Variants in ZNF322 observed in about 807,000 individuals in gnomAD.
ZNF322 encodes HLA complex group 12.
In ZNF322, 1 loss-of-function variant was observed where a neutral mutation model predicts 18.3. The observed-to-expected ratio is 0.05, with a 90% confidence interval of 0.02 to 0.26. The LOEUF (loss-of-function observed/expected upper bound fraction) is 0.26. Ranked by LOEUF, ZNF322 falls within the 10% of genes least tolerant of loss-of-function variation. The pLI is 1.00. For synonymous variants in ZNF322, 17 were observed against 130.7 expected (o/e 0.13, Z 5.93); for missense variants, 36 against 403.6 (o/e 0.09, Z 7.80).
intron 3 of ZNF322, among the ~76,000 whole-genome samples, chr6:26,639,651 G>A (rs565282726): frequency 6.1e-4 from 93 of 152,102 alleles, no homozygotes; most frequent in African/African-American, 2.2e-3. Context: ...CTAAAGAACA[G>A]AAATAAAAGG....
chr6:26,641,383 T>C (rs1423796584), intron 3 of ZNF322, among the ~76,000 whole-genome samples: 4 of 151,896 alleles, frequency 2.6e-5, no homozygotes, highest in African/African-American at 9.7e-5. Flanking sequence ...GGGAGAAAAA[T>C]GCACTGCAAG....
chr6:26,640,044 T>C (rs537079760), intron 3 of ZNF322, among the ~76,000 whole-genome samples: 44 of 152,262 alleles, frequency 2.9e-4, no homozygotes, highest in Non-Finnish European at 5.6e-4. Flanking sequence ...GCATTATCAA[T>C]TTATTCCTTC....
intron 2 of ZNF322, among the ~76,000 whole-genome samples, chr6:26,657,247 T>C (rs1765795781): frequency 6.7e-6 from 1 of 148,986 alleles, no homozygotes; most frequent in Non-Finnish European, 1.5e-5. Flanking sequence ...GAAGACTCCA[T>C]CTCAAAAAAA....
At chr6:26,657,673 C>A (rs1295535372) in intron 2 of ZNF322, among the ~76,000 whole-genome samples, 2 of 152,098 alleles carry the variant, frequency 1.3e-5, no homozygotes, top group African/African-American at 4.8e-5. Context: ...AATATCCCTA[C>A]TACCTAGAGT....
At chr6:26,649,467 C>G (rs540620098) in intron 2 of ZNF322, among the ~76,000 whole-genome samples, 1 of 151,458 alleles carries the variant, frequency 6.6e-6, no homozygotes, top group Non-Finnish European at 1.5e-5. Flanking sequence ...ATATAAACTC[C>G]CAATTGGTTA....
intron 2 of ZNF322, among the ~76,000 whole-genome samples, chr6:26,647,544 T>C (rs1462986443): frequency 6.6e-6 from 1 of 151,484 alleles, no homozygotes; most frequent in African/African-American, 2.4e-5. Context: ...TCTATATAAA[T>C]AAATATGATT....
chr6:26,651,859 T>C (rs1765676126), intron 2 of ZNF322, among the ~76,000 whole-genome samples: 1 of 152,276 alleles, frequency 6.6e-6, no homozygotes, highest in Middle Eastern at 3.4e-3. Flanking sequence ...TTGGGATGGG[T>C]CTCGCTCTGT....
intron 2 of ZNF322, among the ~76,000 whole-genome samples, chr6:26,644,877 G>A (rs1554148585): frequency 6.6e-6 from 1 of 152,124 alleles, no homozygotes; most frequent in East Asian, 1.9e-4. Context: ...GTAAATGTGT[G>A]CCTATGTAAA....
chr6:26,651,178 G>A (rs1168791030), intron 2 of ZNF322, among the ~76,000 whole-genome samples: 1 of 149,474 alleles, frequency 6.7e-6, no homozygotes, highest in Admixed American at 6.7e-5. Flanking sequence ...AGGAACAAAG[G>A]CAATAAATAC....
intron 2 of ZNF322, among the ~76,000 whole-genome samples, chr6:26,652,659 C>T (rs554359181): frequency 6.6e-6 from 1 of 151,806 alleles, no homozygotes; most frequent in African/African-American, 2.4e-5. Flanking sequence ...CATTGCACTC[C>T]AGCCTGGGCA....
intron 2 of ZNF322, among the ~76,000 whole-genome samples, chr6:26,653,742 G>C (rs1179185396): frequency 6.6e-6 from 1 of 152,122 alleles, no homozygotes; most frequent in Admixed American, 6.5e-5. Flanking sequence ...GATAAAAATG[G>C]AATTGATGGC....
chr6:26,653,923 C>T (rs543847772), intron 2 of ZNF322, among the ~76,000 whole-genome samples: 14 of 151,918 alleles, frequency 9.2e-5, no homozygotes, highest in South Asian at 2.1e-4. Context: ...AAAACAAATG[C>T]GCCTGTGTTT....
At chr6:26,642,351 G>A (rs758678788) in intron 3 of ZNF322, among the ~76,000 whole-genome samples, 2 of 152,166 alleles carry the variant, frequency 1.3e-5, no homozygotes, top group Non-Finnish European at 2.9e-5. Context: ...CTCACTTGCT[G>A]AGCGCCGGTC....
At chr6:26,642,311 G>A (rs1765479994) in intron 3 of ZNF322, among the ~76,000 whole-genome samples, 1 of 152,118 alleles carries the variant, frequency 6.6e-6, no homozygotes, top group African/African-American at 2.4e-5. Context: ...AAATACTGAG[G>A]GAACTCAGAT....
At chr6:26,656,666 G>T (rs1765777350) in intron 2 of ZNF322, among the ~76,000 whole-genome samples, 1 of 152,090 alleles carries the variant, frequency 6.6e-6, no homozygotes, top group Non-Finnish European at 1.5e-5. Flanking sequence ...AAGATGGGGG[G>T]TTCATAAAAG....
chr6:26,649,701 A>ATTTTTT, intron 2 of ZNF322, among the ~76,000 whole-genome samples: 1 of 76,798 alleles, frequency 1.3e-5, no homozygotes, highest in Non-Finnish European at 2.3e-5. Context: ...ATATATATAT[A>ATTTTTT]TTTTTTTTTT....
At chr6:26,641,604 A>C (rs782051153) in intron 3 of ZNF322, among the ~76,000 whole-genome samples, 1 of 152,208 alleles carries the variant, frequency 6.6e-6, no homozygotes, top group Non-Finnish European at 1.5e-5. Context: ...AGGTGCTGTT[A>C]ATCTGTAACT....
Position 26,638,694 on chromosome 6 carries a change from CA to C in ZNF322, c.-142del. 1 of 921,410 alleles carries C rather than the reference CA, an allele frequency of 1.1e-6. No individual in the cohort carries two copies. The highest frequency in any genetic ancestry group is 1.7e-6 in the Non-Finnish European group (1 of 603,088). The allele number at this position is 921,410 out of a possible 1,614,324, so 57.1% of individuals were successfully genotyped here. On this transcript the variant is annotated 5_prime_UTR_variant, in exon 4 of 4. The change abolishes an upstream ATG in the 5' untranslated region. Transcript: ENST00000415922. ...ATGAGCCTCTACAAGTTTCCAGCAT[CA>C]TATATGTTAATTCCTTACTTGGTAT...
chr6:26,649,675 G>GTATA (rs71544293), intron 2 of ZNF322, among the ~76,000 whole-genome samples: 24 of 22,942 alleles, frequency 1.0e-3, no homozygotes, highest in African/African-American at 3.7e-3. Context: ...GTGTGTGTGT[G>GTATA]TATATATATA....
Sources: gnomAD v4.1 joint callset for allele counts (sites outside exome capture counted in the v4.1 genomes callset) on GRCh38, gnomAD v4.1.1 for gene constraint, MANE v1.5 for transcripts, NCBI Gene and HGNC (gene_info 2026-07-23, HGNC 2026-07-21) for gene names.